ADGRV1: variants seen among roughly 807,000 people sequenced by gnomAD.
ADGRV1 encodes the protein adhesion G protein-coupled receptor V1, also known as G-protein coupled receptor 98.
In ADGRV1, 359 loss-of-function variants were observed where a neutral mutation model predicts 596.2. The ratio of observed to expected loss-of-function variants is 0.60; its 90% confidence interval spans 0.55 to 0.66. The LOEUF is 0.66. Among genes scored for constraint, ADGRV1 ranks in the 30% least tolerant of loss-of-function variants. The pLI, the probability that ADGRV1 is intolerant of heterozygous loss-of-function variation, is 0.00. For synonymous variants in ADGRV1, 2,681 were observed against 2,679.2 expected (o/e 1.00, Z -0.02); for missense variants, 7,274 against 7,575.6 (o/e 0.96, Z 1.48).
chr5:90,692,749 G>T lies in ADGRV1; in HGVS notation c.7096G>T (p.Glu2366Ter). 1 of 1,605,778 alleles carries T rather than the reference G, an allele frequency of 6.2e-7. No individual in the cohort carries two copies. The highest frequency in any genetic ancestry group is 8.5e-7 in the Non-Finnish European group (1 of 1,176,058). ...QMVYRVQEPLERSSCANITVR... is the reference protein window; with the variant it reads ...QMVYRVQEPL ...GGTTTATCGTGTTCAAGAGCCTCTG[G>T]AAAGAAGTTCCTGTGCTAATATAAC... The change falls in exon 32 of 90, where the codon GAA becomes TAA. Residue 2366 changes from glutamate (E) to a stop codon, truncating the protein, a stop_gained. Transcript: ENST00000405460. LOFTEE classifies it high-confidence loss of function.
Position 90,823,679 on chromosome 5 carries a change from T to C in ADGRV1, c.16368+83T>C, listed in dbSNP as rs149607314. ...TCATTTTAAAACCACTATTGAAACT[T>C]ACACATTGTTGATAGGGAGATTCTT... On this transcript the variant is annotated intron_variant, in intron 76 of 89. Coordinates refer to ENST00000405460, the MANE Select transcript of ADGRV1 (RefSeq NM_032119.4). 37 of 1,210,890 alleles carry C rather than the reference T, an allele frequency of 3.1e-5. No individual in the cohort carries two copies. In the East Asian group the frequency reaches 8.7e-4, roughly 28 times the overall value. 75.0% of individuals were successfully genotyped at this position (1,210,890 alleles called of 1,614,324 possible). A position where few individuals can be genotyped will look rare whatever the true frequency, so the allele number is the denominator to read the frequency against.
intron 1 of ADGRV1, among the ~76,000 whole-genome samples, chr5:90,582,532 C>T (rs2151977759): frequency 2.0e-5 from 3 of 152,114 alleles, no homozygotes; most frequent in Middle Eastern, 6.8e-3. Flanking sequence ...TTTTAATTTT[C>T]TGTTATTGAT....
intron 9 of ADGRV1, among the ~76,000 whole-genome samples, chr5:90,634,718 G>A (rs968879038): frequency 6.6e-6 from 1 of 152,166 alleles, no homozygotes; most frequent in South Asian, 2.1e-4. Context: ...GATGATACTA[G>A]TGAAGGGGCA....
At chr5:90,886,726 G>A (rs184274895) in intron 83 of ADGRV1, among the ~76,000 whole-genome samples, 5 of 152,090 alleles carry the variant, frequency 3.3e-5, no homozygotes, top group African/African-American at 4.8e-5. Flanking sequence ...TTTAACATCC[G>A]CTTGAAAACC....
intron 29 of ADGRV1, 120 bp from the exon 30 acceptor site, chr5:90,689,741 C>G: frequency 1.5e-6 from 1 of 661,236 alleles, no homozygotes; most frequent in South Asian, 2.0e-5. Flanking sequence ...TAGTCAATAT[C>G]CTCAAAAAAG....
intron 83 of ADGRV1, among the ~76,000 whole-genome samples, chr5:90,934,816 C>G (rs773250629): frequency 5.9e-5 from 9 of 152,202 alleles, no homozygotes; most frequent in Non-Finnish European, 1.2e-4. Flanking sequence ...GGCCTCTTCT[C>G]TTGGCTTTTA....
At chr5:90,768,354 C>T (rs10514336) in intron 59 of ADGRV1, among the ~76,000 whole-genome samples, 2,397 of 152,188 alleles carry the variant, frequency 0.016, 72 homozygotes, top group South Asian at 0.11. Context: ...ATGTCTCCCA[C>T]GGGTTCTAAT....
chr5:90,668,236 A>G (rs1269093320), intron 21 of ADGRV1, among the ~76,000 whole-genome samples: 1 of 151,946 alleles, frequency 6.6e-6, no homozygotes, highest in East Asian at 1.9e-4. Flanking sequence ...GTTTGATCTC[A>G]GACTGCTGTG....
chr5:90,906,868 G>A (rs935799382), intron 83 of ADGRV1, among the ~76,000 whole-genome samples: 3 of 152,036 alleles, frequency 2.0e-5, no homozygotes, highest in African/African-American at 7.2e-5. Context: ...GTAGGAAAAG[G>A]CAGAATTGCT....
chr5:91,102,375 T>G (rs980623927), intron 87 of ADGRV1, 35 bp downstream of exon 87: 5 of 1,536,828 alleles, frequency 3.3e-6, no homozygotes, highest in Non-Finnish European at 4.4e-6. Context: ...ACAACATACA[T>G]TTATCTTAAT....
rs762867110 is a variant in ADGRV1 at position 91,072,416 on chromosome 5, T to C, written c.18153-31T>C. The stretch of plus-strand genomic sequence containing the variant: ...TTTAGAAATATTTGCGCTGAAAGTG[T>C]CTGAGTTACTTCTTCTCATTTCTCT... On this transcript the variant is annotated intron_variant, in intron 85 of 89. Coordinates refer to ENST00000405460, the MANE Select transcript of ADGRV1 (RefSeq NM_032119.4). 2.5e-6 allele frequency: 4 copies of C among 1,592,336 alleles called. No individual in the cohort carries two copies. The Admixed American group carries it at 6.7e-5, about 27-fold the overall frequency.
chr5:90,918,716 T>C (rs1773603969), intron 83 of ADGRV1, among the ~76,000 whole-genome samples: 1 of 152,236 alleles, frequency 6.6e-6, no homozygotes, highest in South Asian at 2.1e-4. Flanking sequence ...TTGCATATGA[T>C]AGGCTTTCTT....
At position 91,145,647 on chromosome 5, in the gene ADGRV1, C is replaced by CA. The variant is rs112071831; in HGVS notation, c.18433-4372dup. On this transcript the variant is annotated intron_variant, in intron 87 of 89. Transcript: ENST00000405460. ...CAATTTAGAATATTATTATTGTTTC[C>CA]AAAAAAAAAAACAACTCTAATTCAA... 1.0e-2 allele frequency among the ~76,000 whole-genome samples: 1,292 copies of CA among 129,262 alleles called. 9 individuals carry two copies. The highest frequency in any genetic ancestry group is 0.015 in the Non-Finnish European group (915 of 60,224). The allele number at this position is 129,262 out of a possible 152,430, so 84.8% of individuals were successfully genotyped here.
In ADGRV1 at chr5:90,658,058, C is replaced by G; in HGVS notation, c.4532C>G (p.Ser1511Cys). 6.2e-7 allele frequency: 1 copy of G among 1,613,908 alleles called. No individual in the cohort carries two copies. The highest frequency in any genetic ancestry group is 8.5e-7 in the Non-Finnish European group (1 of 1,179,852). The change falls in exon 21 of 90, where the codon TCT (serine) becomes TGT (cysteine). Residue 1511 changes from serine (S) to cysteine (C), a missense_variant. Transcript: ENST00000405460. ...MPAKSDLHPISGYLEFRQGET... is the reference protein window; with the variant it reads ...MPAKSDLHPICGYLEFRQGET... The stretch of plus-strand genomic sequence containing the variant: ...GCAAAAAGTGATTTACACCCAATTT[C>G]TGGATATCTGGAGTTCAGACAGGGA...
intron 85 of ADGRV1, among the ~76,000 whole-genome samples, chr5:91,051,007 C>A (rs1046650745): frequency 6.6e-6 from 1 of 152,242 alleles, no homozygotes; most frequent in Non-Finnish European, 1.5e-5. Context: ...ATAGCCAATG[C>A]TCAATAGTCA....
intron 87 of ADGRV1, among the ~76,000 whole-genome samples, chr5:91,104,063 T>G (rs1337182234): frequency 6.6e-6 from 1 of 152,214 alleles, no homozygotes; most frequent in Non-Finnish European, 1.5e-5. Context: ...TGATTTTTCT[T>G]TGTATTGTTC....
rs1203664026 is a variant in ADGRV1 at position 90,694,600 on chromosome 5, G to A, written c.7844G>A (p.Gly2615Asp). ...GAGCTGATGATACACAGGACAGGGG[G>A]CAGCTTAGGTCAAGTGGCAGTCGAA... ...LVELMIHRTGGSLGQVAVEWR... is the reference protein window; with the variant it reads ...LVELMIHRTGDSLGQVAVEWR... Residue 2615 changes from glycine (G) to aspartate (D), a missense_variant, in exon 33 of 90, where the codon GGC becomes GAC. Gly to Asp is a moderately conservative substitution (Grantham distance 94, BLOSUM62 -1). Around this residue, in one of 5 missense-constraint regions of ADGRV1, gnomAD observed 3,643 missense variants for 3,809.2 expected, o/e 0.96. Coordinates refer to ENST00000405460, the MANE Select transcript of ADGRV1 (RefSeq NM_032119.4). 3 of 1,613,844 alleles carry A rather than the reference G, an allele frequency of 1.9e-6. No homozygotes were observed. The highest frequency in any genetic ancestry group is 1.3e-5 in the African/African-American group (1 of 75,010).
rs959516074 is a variant in ADGRV1, at chr5:90,690,223, G to A, written c.6706+147G>A. 8.5e-6 allele frequency: 5 copies of A among 588,158 alleles called. No individual in the cohort carries two copies. The African/African-American group carries it at 9.3e-5, about 11-fold the overall frequency. 36.4% of individuals were successfully genotyped at this position (588,158 alleles called of 1,614,324 possible). A position where few individuals can be genotyped will look rare whatever the true frequency, so the allele number is the denominator to read the frequency against. On this transcript the variant is annotated intron_variant, in intron 30 of 89. Transcript: ENST00000405460. Reference sequence around the variant, plus strand: ...CTGACATATAGGACATCTGTACACAGTTATTGGCAGTTGTTAGTGATTGTT... The same window carrying A: ...CTGACATATAGGACATCTGTACACAATTATTGGCAGTTGTTAGTGATTGTT...
intron 83 of ADGRV1, among the ~76,000 whole-genome samples, chr5:90,877,915 A>C (rs1769374185): frequency 6.6e-6 from 1 of 152,150 alleles, no homozygotes; most frequent in African/African-American, 2.4e-5. Context: ...TTAAAACTGC[A>C]GCTGCATGAC....
Sources: gnomAD v4.1 joint callset for allele counts (sites outside exome capture counted in the v4.1 genomes callset) on GRCh38, gnomAD v4.1.1 for gene constraint, gnomAD v4.1.1 regional missense constraint, MANE v1.5 for transcripts, NCBI Gene and HGNC (gene_info 2026-07-23, HGNC 2026-07-21) for gene names.